AEBP2: variants seen among roughly 807,000 people sequenced by gnomAD.
The protein encoded by AEBP2 is AE binding protein 2, also known as zinc finger protein AEBP2.
In AEBP2, 10 loss-of-function variants were observed where a neutral mutation model predicts 50.8. The observed-to-expected ratio is 0.20, with a 90% CI of 0.12 to 0.33. AEBP2 has a LOEUF of 0.33. Ranked by LOEUF, AEBP2 falls within the 10% of genes least tolerant of loss-of-function variation. The probability of loss-of-function intolerance (pLI) is 1.00; values close to 1 mark genes in which losing one functional copy is unlikely to be tolerated. For missense variants in AEBP2, 570 were observed against 688.0 expected (o/e 0.83, Z 1.92); for synonymous variants, 296 against 261.3 (o/e 1.13, Z -1.28).
chr12:19,457,575 C>T, intron 1 of AEBP2: 1 of 1,478,858 alleles, frequency 6.8e-7, no homozygotes, highest in Admixed American at 2.0e-5. Context: ...GTTCAGATGG[C>T]CAGTAGTGGT....
At chr12:19,483,407 T>C (rs1321101273) in intron 3 of AEBP2, among the ~76,000 whole-genome samples, 1 of 152,196 alleles carries the variant, frequency 6.6e-6, no homozygotes, top group African/African-American at 2.4e-5. Context: ...TTTCTCTCTC[T>C]TACACTTTGG....
intron 3 of AEBP2, among the ~76,000 whole-genome samples, chr12:19,487,449 G>A (rs886579337): frequency 4.6e-5 from 7 of 152,148 alleles, no homozygotes; most frequent in African/African-American, 1.7e-4. Context: ...CAGGTGCAGT[G>A]GTTCACACCT....
At chr12:19,451,718 G>C (rs1269915082) in intron 1 of AEBP2, among the ~76,000 whole-genome samples, 1 of 148,578 alleles carries the variant, frequency 6.7e-6, no homozygotes, top group Non-Finnish European at 1.5e-5. Flanking sequence ...ACAAGGTCTC[G>C]CTTGCTGGGT....
chr12:19,425,490 G>A (rs1309618151), intron 1 of AEBP2, among the ~76,000 whole-genome samples: 1 of 152,080 alleles, frequency 6.6e-6, no homozygotes, highest in Non-Finnish European at 1.5e-5. Flanking sequence ...AATTAGGCCA[G>A]GTCTGGCGGC....
intron 3 of AEBP2, among the ~76,000 whole-genome samples, chr12:19,476,286 G>C (rs1948649083): frequency 6.6e-6 from 1 of 152,076 alleles, no homozygotes; most frequent in African/African-American, 2.4e-5. Flanking sequence ...CATGTGGCTT[G>C]GCAGTTATCC....
In AEBP2 at chr12:19,439,759, GC is replaced by G; in HGVS notation, c.66del (p.Gly23AlafsTer37). The G allele has an allele frequency of 2.0e-6, 3 of 1,517,820 alleles. No homozygotes were observed. The highest frequency in any genetic ancestry group is 2.6e-5 in the East Asian group (1 of 37,852). The allele number at this position is 1,517,820 out of a possible 1,614,324, so 94.0% of individuals were successfully genotyped here. ...AGGAGCTCTCCCGCCTGAGCCCTCT[GC>G]CCCCCGGCAGCCCGGGTTCGGCGGC... ...LEELSRLSPL[P>X]PGSPGSAARG... On this transcript the variant is annotated frameshift_variant, in exon 1 of 8. Coordinates refer to ENST00000266508, the MANE Select transcript of AEBP2 (RefSeq NM_153207.5). LOFTEE classifies it high-confidence loss of function.
intron 1 of AEBP2, among the ~76,000 whole-genome samples, chr12:19,412,588 A>G (rs1299146745): frequency 7.3e-6 from 1 of 137,834 alleles, no homozygotes; most frequent in Non-Finnish European, 1.5e-5. Context: ...TCCGAAGGTT[A>G]TTATTATTAT....
chr12:19,413,576 A>T (rs2095740586), intron 1 of AEBP2: 21 of 628,606 alleles, frequency 3.3e-5, no homozygotes, highest in South Asian at 3.3e-4. Flanking sequence ...TAAACTTGTT[A>T]TGCAAAATAA....
At chr12:19,505,381 C>T (rs1211569998) in intron 5 of AEBP2, among the ~76,000 whole-genome samples, 1 of 152,098 alleles carries the variant, frequency 6.6e-6, no homozygotes, top group Non-Finnish European at 1.5e-5. Context: ...GAGCCAGGTA[C>T]TAATGTAATG....
At chr12:19,425,178 G>A (rs2153364775) in intron 1 of AEBP2, among the ~76,000 whole-genome samples, 1 of 152,270 alleles carries the variant, frequency 6.6e-6, no homozygotes, top group East Asian at 1.9e-4. Context: ...GTCTCTACAT[G>A]TTGAAGGTGG....
Position 19,440,149 on chromosome 12 carries a change from G to C in AEBP2, c.450G>C (p.Gly150=). The C allele has an allele frequency of 1.3e-6, 2 of 1,506,464 alleles. No individual in the cohort carries two copies. The highest frequency in any genetic ancestry group is 2.1e-4 in the Middle Eastern group (1 of 4,772). The allele number at this position is 1,506,464 out of a possible 1,614,324, so 93.3% of individuals were successfully genotyped here. The part of the protein sequence containing the change: ...LSPGAASSSS[G]DGDGKEGLEE... ...CCGGCGCCGCCAGCAGCAGCAGCGG[G>C]GATGGGGACGGCAAGGAGGGCCTGG... The change falls in exon 1 of 8, where the codon GGG becomes GGC. Residue 150 remains glycine (G), a synonymous_variant. Transcript: ENST00000266508.
chr12:19,449,788 G>T (rs1056651682), intron 1 of AEBP2, among the ~76,000 whole-genome samples: 15 of 152,042 alleles, frequency 9.9e-5, no homozygotes, highest in African/African-American at 3.6e-4. Context: ...AATTATTTTA[G>T]TGTGACAAAG....
chr12:19,469,263 T>TG (rs1948535342), intron 2 of AEBP2, among the ~76,000 whole-genome samples: 1 of 152,092 alleles, frequency 6.6e-6, no homozygotes. Flanking sequence ...GGTTTAAAAT[T>TG]TTTTTTTCCT....
At chr12:19,418,725 A>C (rs527715867) in intron 1 of AEBP2, among the ~76,000 whole-genome samples, 53 of 152,058 alleles carry the variant, frequency 3.5e-4, no homozygotes, top group African/African-American at 1.3e-3. Flanking sequence ...TAACCCAACT[A>C]CCTTGGGCAT....
At chr12:19,429,558 C>T (rs891948178) in intron 1 of AEBP2, among the ~76,000 whole-genome samples, 1 of 152,220 alleles carries the variant, frequency 6.6e-6, no homozygotes, top group Non-Finnish European at 1.5e-5. Flanking sequence ...GCCACACTGA[C>T]TTCCACAATG....
intron 1 of AEBP2, among the ~76,000 whole-genome samples, chr12:19,404,601 T>C (rs895290561): frequency 6.6e-6 from 1 of 152,200 alleles, no homozygotes; most frequent in Non-Finnish European, 1.5e-5. Context: ...CACCGGCTCC[T>C]ATCCGCCATA....
rs573904066 is a variant in AEBP2, at chr12:19,419,884, C to T, written c.-17+15668C>T. ...GGTGGAGGTTGCAGTGAGCTGAGAT[C>T]GCACCACTGCGCTCCAGCCTGGGCC... On this transcript the variant is annotated intron_variant, in intron 1 of 3. Coordinates refer to the AEBP2 transcript ENST00000538425. Among the ~76,000 whole-genome samples the T allele has an allele frequency of 2.6e-5, 4 of 151,888 alleles. No homozygotes were observed. In the East Asian group the frequency reaches 7.8e-4, roughly 30 times the overall value.
chr12:19,425,198 A>G (rs1009614003), intron 1 of AEBP2, among the ~76,000 whole-genome samples: 1 of 152,188 alleles, frequency 6.6e-6, no homozygotes, highest in African/African-American at 2.4e-5. Flanking sequence ...GGTCAACGAC[A>G]CAGTCCTGTT....
chr12:19,480,356 C>T (rs534038167), intron 3 of AEBP2, among the ~76,000 whole-genome samples: 89 of 152,316 alleles, frequency 5.8e-4, no homozygotes, highest in Admixed American at 1.5e-3. Flanking sequence ...CTGCCCACCT[C>T]GGCCTCCCAG....
Sources: gnomAD v4.1 joint callset for allele counts (sites outside exome capture counted in the v4.1 genomes callset) on GRCh38, gnomAD v4.1.1 for gene constraint, MANE v1.5 for transcripts, NCBI Gene and HGNC (gene_info 2026-07-23, HGNC 2026-07-21) for gene names.